The following KIAA1671 variants were observed in gnomAD, a reference collection of about 807,000 sequenced individuals.
KIAA1671 encodes KIAA1671.
Under a neutral mutation model 131.2 loss-of-function variants are expected in KIAA1671, and 52 were observed. That is an observed-to-expected ratio of 0.40 (90% confidence interval 0.32 to 0.50). The LOEUF (loss-of-function observed/expected upper bound fraction) is 0.50, where lower values mean the gene tolerates loss of function less well. Among genes scored for constraint, KIAA1671 ranks in the 20% least tolerant of loss-of-function variants. The pLI is 0.73. For synonymous variants in KIAA1671, 1,003 were observed against 961.6 expected, an observed-to-expected ratio of 1.04 and a Z score of -0.80; for missense variants, 2,360 against 2,364.2, an observed-to-expected ratio of 1.00 and a Z score of 0.04.
At chr22:25,142,609 C>T (rs566037532) in intron 6 of KIAA1671, among the ~76,000 whole-genome samples, 4 of 152,304 alleles carry the variant, frequency 2.6e-5, no homozygotes, top group South Asian at 2.1e-4. Context: ...TGGTGGCTCA[C>T]GCCTGGAAAC....
At chr22:25,007,283 C>T (rs181753889) in intron 1 of KIAA1671, among the ~76,000 whole-genome samples, 16 of 152,022 alleles carry the variant, frequency 1.1e-4, no homozygotes, top group African/African-American at 3.9e-4. Context: ...GTCAAGAGAT[C>T]GAGACCATCC....
intron 6 of KIAA1671, among the ~76,000 whole-genome samples, chr22:25,097,308 G>A (rs1930437254): frequency 6.6e-6 from 1 of 152,174 alleles, no homozygotes; most frequent in Non-Finnish European, 1.5e-5. Flanking sequence ...CATCAGTAGA[G>A]ATGCTGAAAG....
chr22:25,015,395 G>A (rs1258126008), intron 1 of KIAA1671, among the ~76,000 whole-genome samples: 4 of 152,062 alleles, frequency 2.6e-5, no homozygotes, highest in African/African-American at 9.7e-5. Context: ...AAAACACGGG[G>A]GGAAACAGCA....
chr22:25,093,737 A>ACACACACTCT (rs1568950992), intron 6 of KIAA1671, among the ~76,000 whole-genome samples: 7 of 30,136 alleles, frequency 2.3e-4, no homozygotes, highest in East Asian at 1.5e-3. Flanking sequence ...ACACACACAC[A>ACACACACTCT]CTCTCTCTCT....
chr22:25,015,911 C>A (rs7287331), intron 1 of KIAA1671, among the ~76,000 whole-genome samples: 30,092 of 152,138 alleles, frequency 0.2, 3,173 homozygotes, highest in East Asian at 0.45. Context: ...ACACTCCGTA[C>A]GAAAATGAGC....
At chr22:24,977,899 C>T (rs772192857) in intron 1 of KIAA1671, among the ~76,000 whole-genome samples, 6 of 152,156 alleles carry the variant, frequency 3.9e-5, no homozygotes, top group African/African-American at 7.2e-5. Flanking sequence ...CAAACCAAAA[C>T]GCTAAAAATG....
At chr22:25,186,287 G>C (rs1039574955) in intron 11 of KIAA1671, 1 of 152,318 alleles carries the variant, frequency 6.6e-6, no homozygotes, top group African/African-American at 2.4e-5. Flanking sequence ...TTCCAGCTGG[G>C]TGCAGTGGCT....
chr22:25,157,690 C>A (rs1042115167), intron 6 of KIAA1671, among the ~76,000 whole-genome samples: 2 of 152,130 alleles, frequency 1.3e-5, no homozygotes, highest in African/African-American at 2.4e-5. Flanking sequence ...CTCCCCTCTC[C>A]CCTGATTATT....
At chr22:25,053,628 G>A (rs1927667878) in intron 6 of KIAA1671, 1 of 152,156 alleles carries the variant, frequency 6.6e-6, no homozygotes, top group Admixed American at 6.5e-5. Context: ...ATGGGGCCTG[G>A]AGATTTTCTC....
intron 1 of KIAA1671, among the ~76,000 whole-genome samples, chr22:24,970,726 G>T (rs1170338209): frequency 1.8e-5 from 2 of 112,102 alleles, no homozygotes; most frequent in Non-Finnish European, 3.5e-5. Flanking sequence ...AATAGTTGAT[G>T]AGCTAAAAAA....
Position 25,039,933 on chromosome 22 carries a change from C to T in KIAA1671, c.2803C>T (p.Arg935Trp), listed in dbSNP as rs931013212. The change falls in exon 5 of 13, where the codon CGG becomes TGG. Residue 935 changes from arginine (R) to tryptophan (W), a missense_variant. Coordinates refer to ENST00000358431, the MANE Select transcript of KIAA1671 (RefSeq NM_001145206.2). ...AQVPQPAVRM[R>W]KAGAMDQRMD... ...GGTGCCACAGCCTGCAGTCAGAATG[C>T]GGAAAGCCGGCGCCATGGACCAGAG... The T allele has an allele frequency of 3.0e-5, 46 of 1,551,302 alleles. No individual in the cohort carries two copies. Among genetic ancestry groups the T allele is most frequent in the African/African-American group, 8.2e-5 (6 of 73,052 alleles).
intron 6 of KIAA1671, among the ~76,000 whole-genome samples, chr22:25,141,276 A>C (rs1263342338): frequency 6.6e-6 from 1 of 151,994 alleles, no homozygotes; most frequent in Non-Finnish European, 1.5e-5. Context: ...TCTGTCGCCC[A>C]GGCTGGAGTG....
intron 6 of KIAA1671, among the ~76,000 whole-genome samples, chr22:25,088,760 C>A (rs939131791): frequency 6.6e-6 from 1 of 152,146 alleles, no homozygotes; most frequent in Non-Finnish European, 1.5e-5. Context: ...AATCTGCAGT[C>A]CCCTCCTCCG....
intron 6 of KIAA1671, among the ~76,000 whole-genome samples, chr22:25,136,270 A>C (rs5760872): frequency 0.77 from 116,615 of 152,126 alleles, 45,778 homozygotes; most frequent in African/African-American, 0.94. Context: ...TACAGACACA[A>C]ACACAATCAG....
At chr22:25,176,144 C>T (rs939085360) in intron 8 of KIAA1671, 1 of 152,294 alleles carries the variant, frequency 6.6e-6, no homozygotes, top group Non-Finnish European at 1.5e-5. Context: ...AGAAGCAAGC[C>T]TGCCTCTAGG....
At chr22:25,169,269 A>T (rs1933759205) in intron 6 of KIAA1671, among the ~76,000 whole-genome samples, 1 of 152,000 alleles carries the variant, frequency 6.6e-6, no homozygotes, top group Non-Finnish European at 1.5e-5. Context: ...AATTTTTTTA[A>T]ATAGCTGGGT....
In KIAA1671 at chr22:25,174,442, C is replaced by T; in HGVS notation, c.4852C>T (p.Pro1618Ser). 1.3e-6 allele frequency: 2 copies of T among 1,546,426 alleles called. No individual in the cohort carries two copies. The highest frequency in any genetic ancestry group is 1.8e-6 in the Non-Finnish European group (2 of 1,142,812). ...CGATGGGATGGAGGGGCCGCCTCCA[C>T]CGGACGCCTGCCCTGAAAAGAGAGT... Reference protein sequence around the residue: ...STDGMEGPPPPDACPEKRVDD... With the variant: ...STDGMEGPPPSDACPEKRVDD... The change falls in exon 8 of 13, where the codon CCG becomes TCG. Residue 1618 changes from proline to serine, a missense_variant. Transcript: ENST00000358431.
chr22:25,090,636 T>A (rs1929982794), intron 6 of KIAA1671, among the ~76,000 whole-genome samples: 1 of 152,254 alleles, frequency 6.6e-6, no homozygotes, highest in Non-Finnish European at 1.5e-5. Context: ...GAAGAATGAC[T>A]AGTTACTGGG....
intron 6 of KIAA1671, among the ~76,000 whole-genome samples, chr22:25,085,220 C>T (rs1929641447): frequency 6.6e-6 from 1 of 152,250 alleles, no homozygotes; most frequent in Non-Finnish European, 1.5e-5. Context: ...ACGCTTTTCT[C>T]AGTCCTCTCA....
Sources: allele counts gnomAD v4.1 joint callset (sites outside exome capture counted in the v4.1 genomes callset), GRCh38; gene constraint gnomAD v4.1.1; transcripts MANE v1.5; gene names NCBI Gene and HGNC (gene_info 2026-07-23, HGNC 2026-07-21).